The following OR2L13 variants were observed in gnomAD, a reference collection of about 807,000 sequenced individuals.
OR2L13 encodes the protein olfactory receptor 2L13.
OR2L13 carries 14 observed loss-of-function variants against 15.3 expected under a neutral mutation model. The observed-to-expected ratio is 0.91, with a 90% CI of 0.60 to 1.43. The LOEUF is 1.43. Ranked by LOEUF, OR2L13 falls within the 40% of genes most tolerant of loss-of-function variation. The pLI is 0.00. For missense variants in OR2L13, 367 were observed against 387.9 expected (o/e 0.95, Z 0.45); for synonymous variants, 152 against 142.9 (o/e 1.06, Z -0.45).
the OR2L13 span, among the ~76,000 whole-genome samples, chr1:247,997,453 A>G: frequency 6.6e-6 from 1 of 152,212 alleles, no homozygotes; most frequent in East Asian, 1.9e-4. Flanking sequence ...AAAATATGTT[A>G]GAAGATAACT....
At chr1:248,037,162 A>C in the OR2L13 span, among the ~76,000 whole-genome samples, 1 of 152,200 alleles carries the variant, frequency 6.6e-6, no homozygotes. Flanking sequence ...TGAAAAAGGT[A>C]CTTAAAATAA....
At chr1:248,042,505 T>G in the OR2L13 span, among the ~76,000 whole-genome samples, 1 of 151,254 alleles carries the variant, frequency 6.6e-6, no homozygotes, top group Non-Finnish European at 1.5e-5. Context: ...TAAAGTACAA[T>G]AATAAAAAAT....
At chr1:248,019,311 G>A in the OR2L13 span, among the ~76,000 whole-genome samples, 1 of 152,038 alleles carries the variant, frequency 6.6e-6, no homozygotes, top group African/African-American at 2.4e-5. Context: ...AATTACAATG[G>A]TTTGACTTAC....
chr1:248,078,347 G>A, the OR2L13 span, among the ~76,000 whole-genome samples: 2 of 151,876 alleles, frequency 1.3e-5, no homozygotes, highest in South Asian at 2.1e-4. Context: ...TGGGCGTGGT[G>A]ACGTAGTCCC....
At chr1:247,969,273 A>T in the OR2L13 span, among the ~76,000 whole-genome samples, 1 of 151,748 alleles carries the variant, frequency 6.6e-6, no homozygotes, top group Non-Finnish European at 1.5e-5. Context: ...AGATTGCAAA[A>T]TTTTCTCCCA....
chr1:248,025,313 G>C, the OR2L13 span, among the ~76,000 whole-genome samples: 1 of 147,302 alleles, frequency 6.8e-6, no homozygotes. Context: ...CTTCTCAAAA[G>C]AAGACATTTA....
At chr1:247,959,360 C>G in the OR2L13 span, among the ~76,000 whole-genome samples, 26 of 152,308 alleles carry the variant, frequency 1.7e-4, no homozygotes, top group Non-Finnish European at 1.9e-4. Flanking sequence ...ACTTTTCTTT[C>G]TGGCTGCCCT....
chr1:248,003,313 A>G, the OR2L13 span: 2,164 of 1,586,906 alleles, frequency 1.4e-3, 3 homozygotes, highest in Non-Finnish European at 1.8e-3. Context: ...TGTGTTTCCT[A>G]CTTAGTCAGC....
the OR2L13 span, among the ~76,000 whole-genome samples, chr1:248,024,442 G>A: frequency 6.6e-6 from 1 of 152,160 alleles, no homozygotes; most frequent in African/African-American, 2.4e-5. Flanking sequence ...ACTACATTTT[G>A]TCTTTACTTG....
At chr1:247,991,173 A>C in the OR2L13 span, 5 of 1,604,402 alleles carry the variant, frequency 3.1e-6, no homozygotes, top group Non-Finnish European at 4.3e-6. Flanking sequence ...CCCTGACACG[A>C]GTGATTCAGA....
At chr1:247,998,280 A>G in the OR2L13 span, among the ~76,000 whole-genome samples, 2 of 152,156 alleles carry the variant, frequency 1.3e-5, no homozygotes, top group Admixed American at 6.5e-5. Context: ...CAGCTAATTC[A>G]TAAGTGTGTT....
chr1:248,031,462 T>G, the OR2L13 span, among the ~76,000 whole-genome samples: 1 of 152,228 alleles, frequency 6.6e-6, no homozygotes, highest in Non-Finnish European at 1.5e-5. Context: ...TCTGCCTTAA[T>G]GGGCAGTGCT....
At chr1:248,034,895 T>A in the OR2L13 span, among the ~76,000 whole-genome samples, 1 of 152,248 alleles carries the variant, frequency 6.6e-6, no homozygotes, top group Non-Finnish European at 1.5e-5. Context: ...TGGCTGTTGA[T>A]GTTGCATGCT....
chr1:248,083,877 G>C, the OR2L13 span: 4 of 1,611,228 alleles, frequency 2.5e-6, no homozygotes, highest in Non-Finnish European at 3.4e-6. Context: ...CACATGTGAA[G>C]AGCAGGTGGC....
At chr1:247,974,846 A>C in the OR2L13 span, 1 of 234,220 alleles carries the variant, frequency 4.3e-6, no homozygotes, top group African/African-American at 2.3e-5. Flanking sequence ...TCATTTTGCT[A>C]TTGGCTTTAA....
the OR2L13 span, among the ~76,000 whole-genome samples, chr1:248,029,906 C>T: frequency 6.6e-6 from 1 of 152,200 alleles, no homozygotes; most frequent in Non-Finnish European, 1.5e-5. Flanking sequence ...AATCAGAACT[C>T]ATTTCTGAAC....
At chr1:248,035,069 C>G in the OR2L13 span, among the ~76,000 whole-genome samples, 1 of 113,060 alleles carries the variant, frequency 8.8e-6, no homozygotes, top group Non-Finnish European at 1.8e-5. Flanking sequence ...TTTTTTTGTT[C>G]AATCGCTTTG....
chr1:248,043,342 G>A, the OR2L13 span, among the ~76,000 whole-genome samples: 1 of 152,098 alleles, frequency 6.6e-6, no homozygotes, highest in African/African-American at 2.4e-5. Context: ...AGGATGGTAA[G>A]TAAATTCTGC....
the OR2L13 span, chr1:248,038,654 C>A: frequency 6.2e-7 from 1 of 1,614,194 alleles, no homozygotes; most frequent in Non-Finnish European, 8.5e-7. Flanking sequence ...GCTTTCCTCT[C>A]CACTATCCCA....
Sources: gnomAD v4.1 joint callset for allele counts (sites outside exome capture counted in the v4.1 genomes callset) on GRCh38, gnomAD v4.1.1 for gene constraint, MANE v1.5 for transcripts, NCBI Gene and HGNC (gene_info 2026-07-23, HGNC 2026-07-21) for gene names.